The following TCF4 variants were observed in gnomAD, a reference collection of about 807,000 sequenced individuals.
TCF4 encodes SL3-3 enhancer factor 2.
Under a neutral mutation model 82.1 loss-of-function variants are expected in TCF4, and 3 were observed. The ratio of observed to expected loss-of-function variants is 0.04; its 90% CI spans 0.02 to 0.09. The LOEUF is 0.09. TCF4 is among the 10% of genes least tolerant of loss of function. TCF4 has a pLI of 1.00. For synonymous variants in TCF4, 276 were observed against 309.6 expected, an observed-to-expected ratio of 0.89 and a Z score of 1.14; for missense variants, 518 against 852.7, an observed-to-expected ratio of 0.61 and a Z score of 4.89.
At chr18:55,588,703 CT>C, upstream of TCF4, 6 of 1,313,360 alleles carry the variant, frequency 4.6e-6, no homozygotes, top group Non-Finnish European at 4.8e-6. Context: ...CAATATTTTT[CT>C]TTTTCGTCTA....
intron 3 of TCF4, among the ~76,000 whole-genome samples, chr18:55,521,095 G>C (rs1330559273): frequency 6.6e-6 from 1 of 152,050 alleles, no homozygotes; most frequent in Admixed American, 6.6e-5. Context: ...TACTTACTAG[G>C]AATTCTGGAA....
chr18:55,558,364 A>G (rs2097324016), intron 3 of TCF4, among the ~76,000 whole-genome samples: 1 of 152,168 alleles, frequency 6.6e-6, no homozygotes, highest in Non-Finnish European at 1.5e-5. Context: ...AATCCAGCAA[A>G]AAGTAAGCCA....
intron 6 of TCF4, among the ~76,000 whole-genome samples, chr18:55,372,467 A>C (rs1489129644): frequency 6.6e-6 from 1 of 152,116 alleles, no homozygotes; most frequent in African/African-American, 2.4e-5. Context: ...GCAAGCCAGA[A>C]CAAAAATGTG....
At chr18:55,532,508 G>GT (rs1341263693) in intron 3 of TCF4, among the ~76,000 whole-genome samples, 2 of 152,174 alleles carry the variant, frequency 1.3e-5, no homozygotes, top group Non-Finnish European at 2.9e-5. Flanking sequence ...ATAGAAAACC[G>GT]TAATATGACC....
chr18:55,569,761 T>C (rs2097444167), intron 3 of TCF4, among the ~76,000 whole-genome samples: 1 of 152,146 alleles, frequency 6.6e-6, no homozygotes, highest in South Asian at 2.1e-4. Flanking sequence ...TTTTGAGATA[T>C]CAGACACCTA....
intron 8 of TCF4, among the ~76,000 whole-genome samples, chr18:55,316,328 T>G (rs986134212): frequency 2.0e-5 from 3 of 152,140 alleles, no homozygotes. Context: ...ATTTTCTGAA[T>G]GAGTAAACAA....
At chr18:55,493,051 T>C (rs2096592549) in intron 3 of TCF4, among the ~76,000 whole-genome samples, 1 of 152,176 alleles carries the variant, frequency 6.6e-6, no homozygotes, top group Non-Finnish European at 1.5e-5. Flanking sequence ...TGAGAAGATA[T>C]AGCTATTATT....
chr18:55,484,522 G>A (rs931951235), intron 3 of TCF4, among the ~76,000 whole-genome samples: 1 of 152,152 alleles, frequency 6.6e-6, no homozygotes, highest in African/African-American at 2.4e-5. Flanking sequence ...AATGAGTTTA[G>A]GCAAAGTCTA....
At chr18:55,583,867 A>G (rs1425854590) in intron 3 of TCF4, among the ~76,000 whole-genome samples, 1 of 152,096 alleles carries the variant, frequency 6.6e-6, no homozygotes, top group Non-Finnish European at 1.5e-5. Context: ...TCCATCTTAA[A>G]AGTTGCATAG....
chr18:55,331,502 T>C (rs1157121866), intron 8 of TCF4, among the ~76,000 whole-genome samples: 2 of 152,228 alleles, frequency 1.3e-5, no homozygotes, highest in African/African-American at 2.4e-5. Flanking sequence ...ACTTTGCTCA[T>C]TGAGTGAATG....
chr18:55,517,107 C>T (rs767944313), intron 3 of TCF4, among the ~76,000 whole-genome samples: 3 of 152,118 alleles, frequency 2.0e-5, no homozygotes, highest in Admixed American at 6.6e-5. Flanking sequence ...ATAAGAGCTC[C>T]TAATGAATAA....
In TCF4 at chr18:55,445,617, T is replaced by C. The variant is rs564851649; in HGVS notation, c.304+15402A>G. On this transcript the variant is annotated intron_variant, in intron 5 of 19. Transcript: ENST00000354452. ...TCCTTCCCACAATATGTGGGGATTA[T>C]GAGAGCTACAATTCAAGATGAGATT... 3.3e-5 allele frequency among the ~76,000 whole-genome samples: 5 copies of C among 152,300 alleles called. No homozygotes were observed. The South Asian group carries it at 6.2e-4, about 19-fold the overall frequency.
At chr18:55,575,753 G>A (rs993887076) in intron 3 of TCF4, among the ~76,000 whole-genome samples, 6 of 152,102 alleles carry the variant, frequency 3.9e-5, no homozygotes, top group African/African-American at 1.4e-4. Context: ...TTTGGGGGAA[G>A]GGATGGTATA....
intron 6 of TCF4, among the ~76,000 whole-genome samples, chr18:55,380,430 G>A (rs111939210): frequency 2.6e-5 from 4 of 151,786 alleles, no homozygotes; most frequent in African/African-American, 4.8e-5. Flanking sequence ...GTCCCCCACC[G>A]CTGACAGGCC....
chr18:55,588,110 C>G lies in TCF4; in HGVS notation c.-93G>C. 1 of 1,031,642 alleles carries G rather than the reference C, an allele frequency of 9.7e-7. No individual in the cohort carries two copies. The allele number at this position is 1,031,642 out of a possible 1,614,324, so 63.9% of individuals were successfully genotyped here. ...GGCGTTCATGTCTAACCGCCGCCGC[C>G]ACCGCCGCCGCCTGCTCCTGCGCCC... On this transcript the variant is annotated 5_prime_UTR_variant, in exon 1 of 20. Transcript: ENST00000354452.
chr18:55,446,984 C>CAAA (rs35946795), intron 5 of TCF4, among the ~76,000 whole-genome samples: 3 of 84,182 alleles, frequency 3.6e-5, no homozygotes, highest in Non-Finnish European at 7.0e-5. Flanking sequence ...GACTCTGTCT[C>CAAA]AAAAAAAAAA....
At chr18:55,242,324 T>C (rs764671373) in intron 15 of TCF4, among the ~76,000 whole-genome samples, 3 of 152,200 alleles carry the variant, frequency 2.0e-5, no homozygotes, top group Non-Finnish European at 4.4e-5. Flanking sequence ...TCTCCATTTG[T>C]GGGCATCCCA....
chr18:55,545,242 C>T (rs2097196011), intron 3 of TCF4, among the ~76,000 whole-genome samples: 1 of 152,126 alleles, frequency 6.6e-6, no homozygotes, highest in African/African-American at 2.4e-5. Flanking sequence ...ATAAAAAATG[C>T]CACTTAGTAT....
At chr18:55,552,706 G>A (rs1181014391) in intron 3 of TCF4, among the ~76,000 whole-genome samples, 1 of 152,134 alleles carries the variant, frequency 6.6e-6, no homozygotes, top group African/African-American at 2.4e-5. Context: ...TTCAATTGAC[G>A]TGTTCTGCCA....
Sources: gnomAD v4.1 joint callset for allele counts (sites outside exome capture counted in the v4.1 genomes callset) on GRCh38, gnomAD v4.1.1 for gene constraint, MANE v1.5 for transcripts, NCBI Gene and HGNC (gene_info 2026-07-23, HGNC 2026-07-21) for gene names.